The following MRPL2 variants were observed in gnomAD, a reference collection of about 807,000 sequenced individuals.
MRPL2 encodes large ribosomal subunit protein uL2m.
A neutral mutation model predicts 34.6 loss-of-function variants in MRPL2; 27 were observed. That is an observed-to-expected ratio of 0.78 (90% CI 0.58 to 1.08). The LOEUF is 1.08. MRPL2 is among the 50% of genes least tolerant of loss of function. The pLI is 0.00. For synonymous variants in MRPL2, 155 were observed against 158.0 expected, an observed-to-expected ratio of 0.98 and a Z score of 0.14; for missense variants, 414 against 419.3, an observed-to-expected ratio of 0.99 and a Z score of 0.11.
chr6:43,058,347 G>T, intron 1 of MRPL2, 114 bp from the exon 2 acceptor site: 1 of 989,364 alleles, frequency 1.0e-6, no homozygotes, highest in Non-Finnish European at 1.5e-6. Flanking sequence ...CCTCCTGGAT[G>T]TATCCCAAAC....
intron 2 of MRPL2, chr6:43,057,797 G>A (rs1764926266): frequency 2.3e-6 from 1 of 433,598 alleles, no homozygotes. Context: ...ATTTTTGAAG[G>A]GTATGAAGGA....
intron 1 of MRPL2, 25 bp downstream of exon 1, chr6:43,059,261 C>T: frequency 6.4e-7 from 1 of 1,551,298 alleles, no homozygotes; most frequent in Non-Finnish European, 8.7e-7. Flanking sequence ...TGGAAGCAGC[C>T]TTCTTCCCGG....
chr6:43,055,881 A>C lies in MRPL2; in HGVS notation c.631+16T>G, dbSNP rs187667871. 6.2e-6 allele frequency: 10 copies of C among 1,602,544 alleles called. No individual in the cohort carries two copies. In the East Asian group the frequency reaches 2.2e-4, roughly 36 times the overall value. ...CTTTCCAAACTATAGGACCCAGGCA[A>C]CTCCTTTCCCCATACCTGCAGCTCG... On this transcript the variant is annotated intron_variant, in intron 5 of 6. Coordinates refer to ENST00000388752, the MANE Select transcript of MRPL2 (RefSeq NM_015950.5).
At chr6:43,056,513 G>T in intron 2 of MRPL2, 68 bp from the exon 3 acceptor site, 1 of 1,579,246 alleles carries the variant, frequency 6.3e-7, no homozygotes. Flanking sequence ...ACTGGGAACT[G>T]GCCCATTCTC....
chr6:43,057,982 G>T (rs1435934749), intron 2 of MRPL2, 83 bp downstream of exon 2: 1 of 1,476,090 alleles, frequency 6.8e-7, no homozygotes, highest in Non-Finnish European at 9.4e-7. Context: ...GCCTTACAAG[G>T]TACAAGTGTG....
At chr6:43,058,001 C>G in intron 2 of MRPL2, 64 bp downstream of exon 2, 3 of 1,558,850 alleles carry the variant, frequency 1.9e-6, no homozygotes, top group Non-Finnish European at 2.6e-6. Context: ...TGTCAATATA[C>G]AAGTCTAGGG....
chr6:43,059,202 C>T, intron 1 of MRPL2, 84 bp downstream of exon 1: 1 of 1,550,832 alleles, frequency 6.4e-7, no homozygotes, highest in Non-Finnish European at 8.7e-7. Flanking sequence ...TGACCAGACT[C>T]GCAACTCCCG....
chr6:43,056,727 C>T (rs9472000), intron 2 of MRPL2, among the ~76,000 whole-genome samples: 34,953 of 151,958 alleles, frequency 0.23, 6,536 homozygotes, highest in African/African-American at 0.51. Flanking sequence ...CAGGCTGGAG[C>T]GCAGTGGTGC....
Sources: allele counts gnomAD v4.1 joint callset (sites outside exome capture counted in the v4.1 genomes callset), GRCh38; gene constraint gnomAD v4.1.1; transcripts MANE v1.5; gene names NCBI Gene and HGNC (gene_info 2026-07-23, HGNC 2026-07-21).